The following MYO3B variants were observed in gnomAD, a reference collection of about 807,000 sequenced individuals.
MYO3B encodes the protein myosin-IIIb.
MYO3B carries 156 observed loss-of-function variants against 174.6 expected under a neutral mutation model. The observed-to-expected ratio is 0.89, with a 90% confidence interval of 0.78 to 1.02. MYO3B has a LOEUF of 1.02. Among genes scored for constraint, MYO3B ranks in the 50% least tolerant of loss-of-function variants. The pLI, the probability that MYO3B is intolerant of heterozygous loss-of-function variation, is 0.00. For missense variants in MYO3B, 1,632 were observed against 1,639.4 expected, an observed-to-expected ratio of 1.00 and a Z score of 0.08; for synonymous variants, 563 against 569.1, an observed-to-expected ratio of 0.99 and a Z score of 0.15.
chr2:170,540,202 T>C (rs1689992807), intron 30 of MYO3B, among the ~76,000 whole-genome samples: 1 of 152,020 alleles, frequency 6.6e-6, no homozygotes, highest in South Asian at 2.1e-4. Context: ...CACATGCCTG[T>C]AGTCCCACCT....
chr2:170,508,684 G>C (rs1687773999), intron 28 of MYO3B, among the ~76,000 whole-genome samples: 1 of 152,180 alleles, frequency 6.6e-6, no homozygotes, highest in Admixed American at 6.5e-5. Flanking sequence ...TCTTGAATAT[G>C]ACACATTGGA....
At chr2:170,623,013 A>C (rs888927150) in intron 32 of MYO3B, among the ~76,000 whole-genome samples, 2 of 152,144 alleles carry the variant, frequency 1.3e-5, no homozygotes, top group Non-Finnish European at 2.9e-5. Context: ...TACTATTGTG[A>C]GTAGTGCCGC....
At chr2:170,519,611 A>T in intron 30 of MYO3B, 71 bp downstream of exon 30, 1 of 1,199,950 alleles carries the variant, frequency 8.3e-7, no homozygotes, top group Non-Finnish European at 1.2e-6. Context: ...ATGAAATGGT[A>T]ATGGATAATG....
rs77722096 is a variant in MYO3B, at chr2:170,532,193, C to T, written c.3576-10713C>T. On this transcript the variant is annotated intron_variant, in intron 30 of 34. Coordinates refer to ENST00000408978, the MANE Select transcript of MYO3B (RefSeq NM_138995.5). Reference sequence around the variant, plus strand: ...AATGTGCATAACCTGAATTTAATCACGAGGAAACAGCAGACAAGTCCAAAT... The same window carrying T: ...AATGTGCATAACCTGAATTTAATCATGAGGAAACAGCAGACAAGTCCAAAT... Among the ~76,000 whole-genome samples the T allele has an allele frequency of 6.8e-3, 1,035 of 152,230 alleles. 16 individuals are homozygous for T. The highest frequency in any genetic ancestry group is 0.023 in the African/African-American group (970 of 41,520).
chr2:170,483,751 G>T (rs1199231393), intron 25 of MYO3B, among the ~76,000 whole-genome samples: 1 of 152,196 alleles, frequency 6.6e-6, no homozygotes, highest in Non-Finnish European at 1.5e-5. Context: ...TGGAGAAAAA[G>T]AGGAAAGAGA....
At chr2:170,597,707 G>A (rs534130733) in intron 32 of MYO3B, among the ~76,000 whole-genome samples, 50 of 152,240 alleles carry the variant, frequency 3.3e-4, no homozygotes, top group African/African-American at 1.1e-3. Flanking sequence ...AATGATTGTG[G>A]TATTATCCTC....
At chr2:170,568,454 C>T (rs577102532) in intron 32 of MYO3B, among the ~76,000 whole-genome samples, 1 of 152,246 alleles carries the variant, frequency 6.6e-6, no homozygotes, top group East Asian at 1.9e-4. Flanking sequence ...GCATATGGAG[C>T]GTTTGATTTT....
chr2:170,407,412 GA>G (rs1346362605), intron 21 of MYO3B, among the ~76,000 whole-genome samples: 2 of 152,084 alleles, frequency 1.3e-5, no homozygotes, highest in Non-Finnish European at 2.9e-5. Flanking sequence ...AGTGAGCCAA[GA>G]TCATGCCACT....
chr2:170,501,306 C>A (rs949550493), intron 27 of MYO3B, among the ~76,000 whole-genome samples: 4 of 152,168 alleles, frequency 2.6e-5, no homozygotes, highest in African/African-American at 9.7e-5. Context: ...TGCTACTTAT[C>A]ATTTCCCTTA....
Position 170,542,806 on chromosome 2 carries a change from A to G in MYO3B, c.3576-100A>G, listed in dbSNP as rs926228884. 1.2e-5 allele frequency: 11 copies of G among 906,500 alleles called. No homozygotes were observed. The African/African-American group carries it at 1.9e-4, about 15-fold the overall frequency. The allele number at this position is 906,500 out of a possible 1,614,324, so 56.2% of individuals were successfully genotyped here. On this transcript the variant is annotated intron_variant, in intron 30 of 34. Transcript: ENST00000408978. ...AATGGGAAACCATGGAAGCATAAAA[A>G]GTATGTTTTGATATATCTTTGAAGA...
chr2:170,486,591 G>A (rs889026759), intron 25 of MYO3B, among the ~76,000 whole-genome samples: 35 of 152,268 alleles, frequency 2.3e-4, no homozygotes, highest in Admixed American at 1.2e-3. Context: ...GTGAGCCACC[G>A]TGCCTGGCTT....
intron 7 of MYO3B, among the ~76,000 whole-genome samples, chr2:170,242,284 GA>G (rs2093142820): frequency 1.3e-5 from 2 of 152,156 alleles, no homozygotes; most frequent in African/African-American, 4.8e-5. Context: ...TATTCCAATA[GA>G]AAAACAGTTA....
chr2:170,653,050 G>A lies in MYO3B; in HGVS notation c.3955G>A (p.Glu1319Lys). 6.2e-7 allele frequency: 1 copy of A among 1,614,142 alleles called. No individual in the cohort carries two copies. Among genetic ancestry groups the A allele is most frequent in the Non-Finnish European group, 8.5e-7 (1 of 1,179,984 alleles). The change falls in exon 35 of 35, where the codon GAG becomes AAG. Residue 1319 changes from glutamate to lysine, a missense_variant. By Grantham distance (56) the Glu-to-Lys change is moderately conservative (BLOSUM62 1). Coordinates refer to ENST00000408978, the MANE Select transcript of MYO3B (RefSeq NM_138995.5). Reference sequence around the variant, plus strand: ...TCTGTCACCAGTGGACTGTATCCCTGAGGAGAACAACTCAGCCCACCCTTC... The same window carrying A: ...TCTGTCACCAGTGGACTGTATCCCTAAGGAGAACAACTCAGCCCACCCTTC... ...KSLSPVDCIP[E>K]ENNSAHPSFF...
Position 170,546,844 on chromosome 2 carries a change from A to C in MYO3B, c.3733+2856A>C, listed in dbSNP as rs554399866. On this transcript the variant is annotated intron_variant, in intron 32 of 34. Transcript: ENST00000408978. ...TCAGTTTAAAAAAACACTAACATCC[A>C]GAAGGTTTGCCTTCTAACTTGCAGT... 2.0e-5 allele frequency among the ~76,000 whole-genome samples: 3 copies of C among 152,312 alleles called. No homozygotes were observed. In the South Asian group the frequency reaches 6.2e-4, roughly 32 times the overall value.
chr2:170,651,821 G>GGGGCCCCCCCCCCCCC, intron 33 of MYO3B, 87 bp downstream of exon 33: 1 of 1,089,328 alleles, frequency 9.2e-7, no homozygotes, highest in Middle Eastern at 2.0e-4. Context: ...AGCCCCTGCA[G>GGGGCCCCCCCCCCCCC]CCCCACCCCC....
chr2:170,510,667 CAT>C (rs1345283427), intron 28 of MYO3B, among the ~76,000 whole-genome samples: 1 of 134,528 alleles, frequency 7.4e-6, no homozygotes, highest in Non-Finnish European at 1.6e-5. Context: ...ATAAACATGC[CAT>C]GTGAAGGCAC....
intron 32 of MYO3B, among the ~76,000 whole-genome samples, chr2:170,579,859 G>A (rs567170361): frequency 1.1e-4 from 16 of 152,330 alleles, no homozygotes; most frequent in South Asian, 4.1e-4. Context: ...ACTGATGACC[G>A]TACATTATCC....
intron 25 of MYO3B, among the ~76,000 whole-genome samples, chr2:170,497,701 G>A (rs745513875): frequency 3.3e-5 from 5 of 151,960 alleles, no homozygotes; most frequent in Non-Finnish European, 4.4e-5. Context: ...TAAAACTTAC[G>A]TTAAATGAAT....
intron 7 of MYO3B, among the ~76,000 whole-genome samples, chr2:170,255,770 G>A (rs1443518468): frequency 1.3e-5 from 2 of 152,316 alleles, no homozygotes; most frequent in East Asian, 3.9e-4. Context: ...ATAAAGTATT[G>A]TACTAGCTCC....
Sources: gnomAD v4.1 joint callset for allele counts (sites outside exome capture counted in the v4.1 genomes callset) on GRCh38, gnomAD v4.1.1 for gene constraint, MANE v1.5 for transcripts, NCBI Gene and HGNC (gene_info 2026-07-23, HGNC 2026-07-21) for gene names.